The following IFRD1 variants were observed in gnomAD, a reference collection of about 807,000 sequenced individuals.
IFRD1 encodes the protein interferon related developmental regulator 1.
Under a neutral mutation model 52.9 loss-of-function variants are expected in IFRD1, and 35 were observed. The observed-to-expected ratio is 0.66, with a 90% CI of 0.51 to 0.88. The LOEUF (loss-of-function observed/expected upper bound fraction) is 0.88. Among genes scored for constraint, IFRD1 ranks in the 40% least tolerant of loss-of-function variants. The pLI is 0.00. For missense variants in IFRD1, 517 were observed against 550.8 expected, an observed-to-expected ratio of 0.94 and a Z score of 0.61; for synonymous variants, 184 against 188.4, an observed-to-expected ratio of 0.98 and a Z score of 0.19.
intron 5 of IFRD1, among the ~76,000 whole-genome samples, chr7:112,459,969 T>C (rs1339205629): frequency 1.3e-5 from 2 of 152,338 alleles, no homozygotes; most frequent in East Asian, 3.9e-4. Context: ...TTTAATTAGC[T>C]TTTGCTACTT....
At chr7:112,469,300 C>CT (rs1795688723) in intron 9 of IFRD1, among the ~76,000 whole-genome samples, 3 of 152,074 alleles carry the variant, frequency 2.0e-5, no homozygotes, top group Non-Finnish European at 4.4e-5. Flanking sequence ...TAATTTTAAT[C>CT]TATTTTTAGA....
chr7:112,460,730 C>T (rs1371730739), intron 5 of IFRD1, among the ~76,000 whole-genome samples: 1 of 151,896 alleles, frequency 6.6e-6, no homozygotes, highest in African/African-American at 2.4e-5. Flanking sequence ...AATAGTGATA[C>T]CAAGCAGATT....
chr7:112,446,745 T>A (rs1027516611), upstream of IFRD1, among the ~76,000 whole-genome samples: 4 of 152,138 alleles, frequency 2.6e-5, no homozygotes, highest in Non-Finnish European at 5.9e-5. Flanking sequence ...AAGTGGGGAA[T>A]GAACTTTGTG....
rs1397334643 is a variant in IFRD1 at position 112,476,880 on chromosome 7, T to A, written c.*1361T>A. On this transcript the variant is annotated 3_prime_UTR_variant, in exon 12 of 12. Transcript: ENST00000403825. ...ACTGTAGGGAGAAGTATCAAAATCATTTAAGGTCTTTTTTCCAAACTAGTG... is the reference window on the plus strand; with the variant it reads ...ACTGTAGGGAGAAGTATCAAAATCAATTAAGGTCTTTTTTCCAAACTAGTG... 1 of 152,216 alleles carries A rather than the reference T, an allele frequency of 6.6e-6. No individual in the cohort carries two copies. Among genetic ancestry groups the A allele is most frequent in the South Asian group, 2.1e-4 (1 of 4,820 alleles). The allele number at this position is 152,216 out of a possible 1,614,324, so 9.4% of individuals were successfully genotyped here. A position where few individuals can be genotyped will look rare whatever the true frequency, so the allele number is the denominator to read the frequency against.
At chr7:112,446,595 G>A (rs932060747), upstream of IFRD1, among the ~76,000 whole-genome samples, 1 of 152,136 alleles carries the variant, frequency 6.6e-6, no homozygotes, top group East Asian at 1.9e-4. Flanking sequence ...GTGAGGATGC[G>A]ACCTTAGAAT....
At chr7:112,428,391 CAG>C (rs1196025731) in intron 1 of IFRD1, among the ~76,000 whole-genome samples, 1 of 152,068 alleles carries the variant, frequency 6.6e-6, no homozygotes, top group Non-Finnish European at 1.5e-5. Context: ...AGGGTGGAAA[CAG>C]GGAACGAGTT....
chr7:112,438,656 T>TAGA (rs138960605), intron 1 of IFRD1, among the ~76,000 whole-genome samples: 4,928 of 152,180 alleles, frequency 0.032, 203 homozygotes, highest in African/African-American at 0.097. Context: ...AACTTGAGAC[T>TAGA]AGAAGATACC....
intron 4 of IFRD1, 128 bp from the exon 5 acceptor site, chr7:112,458,733 A>T: frequency 1.2e-6 from 1 of 817,090 alleles, no homozygotes. Flanking sequence ...CTTACATCAA[A>T]GCCTGGAGCA....
At chr7:112,458,020 T>G (rs1227174516) in intron 4 of IFRD1, 1 of 152,202 alleles carries the variant, frequency 6.6e-6, no homozygotes, top group East Asian at 1.9e-4. Context: ...TATATCTTGT[T>G]ATTGGTATAG....
At chr7:112,443,923 A>C (rs1467788162) in intron 1 of IFRD1, among the ~76,000 whole-genome samples, 3 of 152,008 alleles carry the variant, frequency 2.0e-5, no homozygotes, top group African/African-American at 7.2e-5. Context: ...AAAAACAAAA[A>C]CAAAAAAACA....
chr7:112,463,092 A>G (rs1020209796), intron 8 of IFRD1, among the ~76,000 whole-genome samples: 1 of 152,182 alleles, frequency 6.6e-6, no homozygotes, highest in African/African-American at 2.4e-5. Flanking sequence ...GAATGCCTCA[A>G]ATCTTACCAT....
chr7:112,447,180 G>A (rs769717579), upstream of IFRD1, among the ~76,000 whole-genome samples: 13 of 152,118 alleles, frequency 8.5e-5, no homozygotes, highest in Middle Eastern at 3.2e-3. Context: ...CTTCTCAGGC[G>A]TGCCCCTAAA....
In IFRD1 at chr7:112,461,919, A is replaced by G. The variant is rs1486282087; in HGVS notation, c.618+3A>G. The G allele has an allele frequency of 1.2e-6, 2 of 1,609,764 alleles. No individual in the cohort carries two copies. Among genetic ancestry groups the G allele is most frequent in the Admixed American group, 1.7e-5 (1 of 59,916 alleles). ...TTATTGCCACAGATGACATTACTGT[A>G]AGTAAAAAACCTTTGATTCTAGTTA... is the stretch of plus-strand genomic sequence containing the variant. On this transcript the variant is annotated splice_donor_region_variant and intron_variant, in intron 6 of 11. Transcript: ENST00000403825.
chr7:112,461,872 A>C lies in IFRD1; in HGVS notation c.574A>C (p.Thr192Pro), dbSNP rs773681445. ...ASMQARQTCA[T>P]CFGVCCFIAT... ...TATATATTTTTTTTTTTAGTGTGCA[A>C]CTTGCTTTGGTGTTTGCTGTTTTAT... Residue 192 changes from threonine (T) to proline (P), a missense_variant, in exon 6 of 12, where the codon ACT becomes CCT. By Grantham distance (38) the Thr-to-Pro change is conservative. Coordinates refer to ENST00000403825, the MANE Select transcript of IFRD1 (RefSeq NM_001550.4). The C allele has an allele frequency of 1.3e-6, 2 of 1,580,646 alleles. No individual in the cohort carries two copies. The highest frequency in any genetic ancestry group is 1.7e-5 in the Admixed American group (1 of 59,632).
At chr7:112,470,173 T>C (rs1322032279) in intron 9 of IFRD1, among the ~76,000 whole-genome samples, 1 of 152,190 alleles carries the variant, frequency 6.6e-6, no homozygotes, top group African/African-American at 2.4e-5. Context: ...AGTTTTCTTA[T>C]CTCATTATAC....
At chr7:112,462,844 G>A (rs1795477127) in intron 8 of IFRD1, among the ~76,000 whole-genome samples, 1 of 152,076 alleles carries the variant, frequency 6.6e-6, no homozygotes, top group Non-Finnish European at 1.5e-5. Context: ...TTAAGACTGG[G>A]ACATGTGCTT....
intron 1 of IFRD1, among the ~76,000 whole-genome samples, chr7:112,440,964 C>T (rs113333661): frequency 0.018 from 2,724 of 152,136 alleles, 48 homozygotes; most frequent in African/African-American, 0.045. Flanking sequence ...GGCAAAACCC[C>T]GTCTCTACAA....
At chr7:112,472,456 T>C in intron 10 of IFRD1, 109 bp downstream of exon 10, 1 of 1,210,642 alleles carries the variant, frequency 8.3e-7, no homozygotes, top group South Asian at 1.2e-5. Flanking sequence ...TGCTTCCACA[T>C]GTTAGAAAAC....
intron 1 of IFRD1, among the ~76,000 whole-genome samples, chr7:112,443,450 T>C (rs1043973930): frequency 6.6e-6 from 1 of 151,746 alleles, no homozygotes; most frequent in African/African-American, 2.4e-5. Context: ...CATGCGTCTG[T>C]ATCCCAGCTA....
Sources: gnomAD v4.1 joint callset for allele counts (sites outside exome capture counted in the v4.1 genomes callset) on GRCh38, gnomAD v4.1.1 for gene constraint, MANE v1.5 for transcripts, NCBI Gene and HGNC (gene_info 2026-07-23, HGNC 2026-07-21) for gene names.